RUFY3: variants seen among roughly 807,000 people sequenced by gnomAD.
The protein encoded by RUFY3 is protein RUFY3.
A neutral mutation model predicts 84.0 loss-of-function variants in RUFY3; 34 were observed. The observed-to-expected ratio is 0.40, with a 90% CI of 0.31 to 0.54. The LOEUF (loss-of-function observed/expected upper bound fraction) is 0.54. Among genes scored for constraint, RUFY3 ranks in the 20% least tolerant of loss-of-function variants. The probability of loss-of-function intolerance (pLI) is 0.39; values close to 1 mark genes in which losing one functional copy is unlikely to be tolerated. For missense variants in RUFY3, 507 were observed against 736.8 expected (o/e 0.69, Z 3.61); for synonymous variants, 242 against 252.9 (o/e 0.96, Z 0.41).
intron 1 of RUFY3, among the ~76,000 whole-genome samples, chr4:70,706,361 C>T (rs1023292730): frequency 1.3e-5 from 2 of 152,158 alleles, no homozygotes; most frequent in Non-Finnish European, 2.9e-5. Flanking sequence ...AACCCTGACT[C>T]ACCTTTTCTG....
chr4:70,738,519 C>T (rs1056308954), intron 1 of RUFY3, among the ~76,000 whole-genome samples: 3 of 151,232 alleles, frequency 2.0e-5, no homozygotes, highest in African/African-American at 4.8e-5. Flanking sequence ...TGCGCCACCA[C>T]GCCCGGCTAA....
intron 1 of RUFY3, among the ~76,000 whole-genome samples, chr4:70,733,164 G>GAA (rs201752762): frequency 8.9e-5 from 12 of 135,228 alleles, no homozygotes; most frequent in African/African-American, 2.8e-4. Context: ...GAGAGAGAGA[G>GAA]AGAAAGAAAG....
intron 6 of RUFY3, among the ~76,000 whole-genome samples, chr4:70,774,785 C>T (rs1282370063): frequency 2.0e-5 from 3 of 150,678 alleles, no homozygotes; most frequent in Admixed American, 1.3e-4. Flanking sequence ...TCAGAGTGAG[C>T]TTAATTCAAG....
At chr4:70,768,238 A>G (rs1726325855) in intron 4 of RUFY3, among the ~76,000 whole-genome samples, 1 of 152,220 alleles carries the variant, frequency 6.6e-6, no homozygotes, top group African/African-American at 2.4e-5. Context: ...TTCAACCACA[A>G]TACTGTTCAG....
chr4:70,778,573 C>CTTTTT (rs377520137), intron 8 of RUFY3, 135 bp downstream of exon 8: 141 of 151,820 alleles, frequency 9.3e-4, no homozygotes, highest in Middle Eastern at 3.1e-3. Flanking sequence ...ACTTCTTATT[C>CTTTTT]TTTTTTTTTT....
chr4:70,709,833 C>T (rs747158228), intron 1 of RUFY3, among the ~76,000 whole-genome samples: 3 of 152,238 alleles, frequency 2.0e-5, no homozygotes, highest in Non-Finnish European at 4.4e-5. Context: ...TAGCCCACAT[C>T]CTTGCCCTTG....
chr4:70,743,544 T>C (rs1234798520), intron 1 of RUFY3, among the ~76,000 whole-genome samples: 1 of 152,184 alleles, frequency 6.6e-6, no homozygotes, highest in African/African-American at 2.4e-5. Context: ...GTATTAATAA[T>C]GCAAGAGTCA....
chr4:70,735,954 C>T (rs942167901), intron 1 of RUFY3, among the ~76,000 whole-genome samples: 2 of 151,550 alleles, frequency 1.3e-5, no homozygotes, highest in African/African-American at 4.9e-5. Context: ...CATCACTGCA[C>T]TCCAGCCTGG....
intron 1 of RUFY3, among the ~76,000 whole-genome samples, chr4:70,742,016 C>T (rs1246236262): frequency 1.3e-5 from 2 of 152,120 alleles, no homozygotes; most frequent in Non-Finnish European, 2.9e-5. Context: ...GTGAATTTCA[C>T]AGCAGCCAAA....
chr4:70,759,577 T>C (rs1322857620), intron 1 of RUFY3, among the ~76,000 whole-genome samples: 1 of 152,232 alleles, frequency 6.6e-6, no homozygotes, highest in Admixed American at 6.5e-5. Context: ...GTTCTACTTT[T>C]AGTTTTTTGA....
At chr4:70,746,212 G>C (rs1319750264) in intron 1 of RUFY3, among the ~76,000 whole-genome samples, 1 of 152,106 alleles carries the variant, frequency 6.6e-6, no homozygotes, top group African/African-American at 2.4e-5. Context: ...AGGTATGGTG[G>C]CAGGCGCCTG....
intron 14 of RUFY3, among the ~76,000 whole-genome samples, chr4:70,795,184 C>A (rs142507854): frequency 9.9e-5 from 15 of 152,150 alleles, no homozygotes; most frequent in Middle Eastern, 3.4e-3. Context: ...GGTGTCTTAA[C>A]AAAAATATAT....
chr4:70,753,559 G>C (rs1560497265), intron 1 of RUFY3, among the ~76,000 whole-genome samples: 1 of 152,108 alleles, frequency 6.6e-6, no homozygotes, highest in Non-Finnish European at 1.5e-5. Context: ...AGATTGCTTG[G>C]GGATCTAGTT....
chr4:70,721,422 T>G (rs761152970), upstream of RUFY3, among the ~76,000 whole-genome samples: 20 of 124,842 alleles, frequency 1.6e-4, no homozygotes, highest in Non-Finnish European at 3.0e-4. Context: ...AACTTGAAGT[T>G]TTTTTTTTGC....
intron 5 of RUFY3, among the ~76,000 whole-genome samples, chr4:70,770,774 A>C (rs1726821872): frequency 6.6e-6 from 1 of 152,218 alleles, no homozygotes; most frequent in Non-Finnish European, 1.5e-5. Flanking sequence ...TGTTTGGCCC[A>C]AAAAGCCTAC....
intron 1 of RUFY3, among the ~76,000 whole-genome samples, chr4:70,754,235 T>G (rs1357021986): frequency 1.3e-5 from 2 of 152,064 alleles, no homozygotes; most frequent in Non-Finnish European, 2.9e-5. Flanking sequence ...GTACTTTTAG[T>G]AGAGATGGGG....
rs144626191 is a variant in RUFY3, at chr4:70,754,926, G to A, written c.179-7593G>A. Reference sequence around the variant, plus strand: ...TTTTTTTTTCTTTTTTTCTTGAGACGGGGGTATCACTCTATCTCCCAGGCT... The same window carrying A: ...TTTTTTTTTCTTTTTTTCTTGAGACAGGGGTATCACTCTATCTCCCAGGCT... On this transcript the variant is annotated intron_variant, in intron 1 of 17. Coordinates refer to ENST00000381006, the MANE Select transcript of RUFY3 (RefSeq NM_001037442.4). Among the ~76,000 whole-genome samples, 180 of 148,166 alleles carry A rather than the reference G, an allele frequency of 1.2e-3. 1 individual carries two copies. Among genetic ancestry groups the A allele is most frequent in the African/African-American group, 4.2e-3 (169 of 40,054 alleles).
At chr4:70,710,842 C>T (rs1203519072) in intron 1 of RUFY3, among the ~76,000 whole-genome samples, 1 of 151,546 alleles carries the variant, frequency 6.6e-6, no homozygotes, top group Non-Finnish European at 1.5e-5. Context: ...GCAGGCGGAT[C>T]ACTTGAGGTC....
chr4:70,784,247 G>T (rs1729409579), intron 9 of RUFY3, among the ~76,000 whole-genome samples: 2 of 152,332 alleles, frequency 1.3e-5, no homozygotes, highest in South Asian at 4.1e-4. Flanking sequence ...ACTTTGGGAG[G>T]CCAAGGAGGC....
Sources: gnomAD v4.1 joint callset for allele counts (sites outside exome capture counted in the v4.1 genomes callset) on GRCh38, gnomAD v4.1.1 for gene constraint, MANE v1.5 for transcripts, NCBI Gene and HGNC (gene_info 2026-07-23, HGNC 2026-07-21) for gene names.